Variants in MOCOS observed in about 807,000 individuals in gnomAD.
MOCOS encodes human molybdenum cofactor sulfurase.
In MOCOS, 86 loss-of-function variants were observed where a neutral mutation model predicts 83.6. The observed-to-expected ratio is 1.03, with a 90% confidence interval of 0.86 to 1.23. The LOEUF (loss-of-function observed/expected upper bound fraction) is 1.23, where lower values mean the gene tolerates loss of function less well. Ranked by LOEUF, MOCOS falls within the 50% of genes most tolerant of loss-of-function variation. MOCOS has a pLI of 0.00. For missense variants in MOCOS, 1,120 were observed against 1,126.9 expected, an observed-to-expected ratio of 0.99 and a Z score of 0.09; for synonymous variants, 445 against 434.7, an observed-to-expected ratio of 1.02 and a Z score of -0.29.
chr18:36,256,333 G>C (rs898994490), intron 11 of MOCOS, among the ~76,000 whole-genome samples: 1 of 152,194 alleles, frequency 6.6e-6, no homozygotes, highest in African/African-American at 2.4e-5. Context: ...TCTCTGCCTT[G>C]CTCCGTCCTA....
At chr18:36,252,037 G>T (rs2091624057) in intron 11 of MOCOS, among the ~76,000 whole-genome samples, 1 of 152,012 alleles carries the variant, frequency 6.6e-6, no homozygotes, top group Non-Finnish European at 1.5e-5. Context: ...CCTTTTAGTA[G>T]ATGTAAGCAA....
chr18:36,212,578 C>G (rs1359268370), intron 6 of MOCOS, among the ~76,000 whole-genome samples: 1 of 152,146 alleles, frequency 6.6e-6, no homozygotes, highest in Non-Finnish European at 1.5e-5. Context: ...TCTGAAGCCC[C>G]TCAGTTCAAC....
At chr18:36,258,557 C>T (rs1419114734) in intron 12 of MOCOS, among the ~76,000 whole-genome samples, 2 of 152,056 alleles carry the variant, frequency 1.3e-5, no homozygotes, top group African/African-American at 4.8e-5. Flanking sequence ...GCTTTTCATA[C>T]GTTGTTTGCC....
At chr18:36,222,051 G>A (rs1168116383) in intron 9 of MOCOS, among the ~76,000 whole-genome samples, 5 of 152,134 alleles carry the variant, frequency 3.3e-5, no homozygotes, top group Non-Finnish European at 7.4e-5. Flanking sequence ...TAAATTGTCT[G>A]TTGTCACATA....
At chr18:36,226,729 G>A (rs1042698046) in intron 9 of MOCOS, among the ~76,000 whole-genome samples, 1 of 127,508 alleles carries the variant, frequency 7.8e-6, no homozygotes, top group African/African-American at 2.9e-5. Flanking sequence ...TTTTTTTGGT[G>A]TGTAGTTATT....
chr18:36,189,573 C>T (rs2091356891), intron 1 of MOCOS, among the ~76,000 whole-genome samples: 1 of 152,208 alleles, frequency 6.6e-6, no homozygotes, highest in Admixed American at 6.5e-5. Flanking sequence ...TAATTAAATG[C>T]TTAAGATTTA....
intron 1 of MOCOS, among the ~76,000 whole-genome samples, chr18:36,194,324 C>A (rs1400722139): frequency 2.0e-5 from 3 of 152,164 alleles, no homozygotes; most frequent in Admixed American, 2.0e-4. Flanking sequence ...CTACACAAAA[C>A]AAAATATTTG....
chr18:36,251,565 T>A (rs1260635087), intron 11 of MOCOS, among the ~76,000 whole-genome samples: 1 of 152,140 alleles, frequency 6.6e-6, no homozygotes, highest in East Asian at 1.9e-4. Flanking sequence ...TTAATCCAAT[T>A]GTATTAAATA....
In MOCOS at chr18:36,271,030, T is replaced by A. The variant is rs1001380095; in HGVS notation, c.*2345T>A. On this transcript the variant is annotated 3_prime_UTR_variant, in exon 15 of 15. Transcript: ENST00000261326. The stretch of plus-strand genomic sequence containing the variant: ...TTGGTAGAGATGGCATCTCACTTTG[T>A]TGCCCAGGCTAGTTTTGAATTCCTG... 4.6e-5 allele frequency: 7 copies of A among 152,060 alleles called. No homozygotes were observed. Among genetic ancestry groups the A allele is most frequent in the African/African-American group, 1.7e-4 (7 of 41,390 alleles). 9.4% of individuals were successfully genotyped at this position (152,060 alleles called of 1,614,324 possible). A position where few individuals can be genotyped will look rare whatever the true frequency, so the allele number is the denominator to read the frequency against.
At chr18:36,262,466 C>A (rs552418540) in intron 13 of MOCOS, among the ~76,000 whole-genome samples, 2 of 152,034 alleles carry the variant, frequency 1.3e-5, no homozygotes, top group African/African-American at 2.4e-5. Flanking sequence ...TAGTCCAGCA[C>A]GAGCATTAAA....
At position 36,253,877 on chromosome 18, in the gene MOCOS, T is replaced by C. The variant is rs143769381; in HGVS notation, c.2164+2594T>C. ...CTTTACCTGTGGCTGCGGAACTCAC[T>C]GGAGGATTCTAAGCCGAGAAGCTTC... On this transcript the variant is annotated intron_variant, in intron 11 of 14. Coordinates refer to ENST00000261326, the MANE Select transcript of MOCOS (RefSeq NM_017947.4). 5.3e-4 allele frequency among the ~76,000 whole-genome samples: 80 copies of C among 152,104 alleles called. No individual in the cohort carries two copies. In the East Asian group the frequency reaches 9.1e-3, roughly 17 times the overall value.
intron 11 of MOCOS, among the ~76,000 whole-genome samples, chr18:36,255,714 T>C (rs2091639044): frequency 6.6e-6 from 1 of 152,040 alleles, no homozygotes. Context: ...ACACACCTGA[T>C]TTGGAAACAA....
At chr18:36,250,745 C>A (rs1262321256) in intron 10 of MOCOS, among the ~76,000 whole-genome samples, 1 of 152,216 alleles carries the variant, frequency 6.6e-6, no homozygotes, top group Non-Finnish European at 1.5e-5. Flanking sequence ...GTTCATTTTA[C>A]AAACCAAACA....
chr18:36,197,668 G>A (rs1568048814), intron 2 of MOCOS, among the ~76,000 whole-genome samples: 1 of 152,080 alleles, frequency 6.6e-6, no homozygotes, highest in Admixed American at 6.5e-5. Context: ...AGCTATTCAG[G>A]AGGCTGAGGC....
In MOCOS at chr18:36,268,912, C is replaced by T; in HGVS notation, c.*227C>T. 3 of 566,788 alleles carry T rather than the reference C, an allele frequency of 5.3e-6. No homozygotes were observed. The South Asian group carries it at 6.4e-5, about 12-fold the overall frequency. The allele number at this position is 566,788 out of a possible 1,614,324, so 35.1% of individuals were successfully genotyped here. On this transcript the variant is annotated 3_prime_UTR_variant, in exon 15 of 15. Coordinates refer to ENST00000261326, the MANE Select transcript of MOCOS (RefSeq NM_017947.4). ...GAGGCCTCAGGAACGAATGCTGCACCCACATCCAGTGAGGCTCCTGTAGGT... is the reference window on the plus strand; with the variant it reads ...GAGGCCTCAGGAACGAATGCTGCACTCACATCCAGTGAGGCTCCTGTAGGT...
chr18:36,266,710 C>CT (rs761037258), intron 13 of MOCOS, 39 bp from the exon 14 acceptor site: 150 of 1,573,358 alleles, frequency 9.5e-5, no homozygotes, highest in Admixed American at 4.7e-4. Flanking sequence ...GCTCTGGTCA[C>CT]TTTTGTGGCA....
chr18:36,194,567 A>G (rs1367482245), intron 1 of MOCOS, among the ~76,000 whole-genome samples: 1 of 152,210 alleles, frequency 6.6e-6, no homozygotes, highest in Non-Finnish European at 1.5e-5. Context: ...CTGCAAGTGG[A>G]ATTGCTAGGT....
intron 9 of MOCOS, among the ~76,000 whole-genome samples, chr18:36,238,050 G>A (rs1184440448): frequency 6.6e-6 from 1 of 151,100 alleles, no homozygotes; most frequent in Non-Finnish European, 1.5e-5. Flanking sequence ...CTTGCTAGTG[G>A]TCTATCAATT....
At chr18:36,267,814 C>A (rs1348394600) in intron 14 of MOCOS, among the ~76,000 whole-genome samples, 2 of 152,148 alleles carry the variant, frequency 1.3e-5, no homozygotes, top group Non-Finnish European at 2.9e-5. Context: ...CATGATGAAC[C>A]TTTTATTTTT....
Sources: allele counts gnomAD v4.1 joint callset (sites outside exome capture counted in the v4.1 genomes callset), GRCh38; gene constraint gnomAD v4.1.1; transcripts MANE v1.5; gene names NCBI Gene and HGNC (gene_info 2026-07-23, HGNC 2026-07-21).